Variants in PRKN observed in about 807,000 individuals in gnomAD.
PRKN encodes the protein E3 ubiquitin-protein ligase parkin.
PRKN carries 56 observed loss-of-function variants against 59.5 expected under a neutral mutation model. That is an observed-to-expected ratio of 0.94 (90% CI 0.76 to 1.18). PRKN has a LOEUF of 1.18. Ranked by LOEUF, PRKN falls within the 50% of genes most tolerant of loss-of-function variation. PRKN has a pLI of 0.00. For missense variants in PRKN, 657 were observed against 596.4 expected (o/e 1.10, Z -1.06); for synonymous variants, 250 against 222.1 (o/e 1.13, Z -1.12).
intron 2 of PRKN, among the ~76,000 whole-genome samples, chr6:162,321,196 C>T (rs538983628): frequency 6.6e-6 from 1 of 151,932 alleles, no homozygotes; most frequent in South Asian, 2.1e-4. Context: ...AGTGACAACA[C>T]TACACATTGT....
intron 9 of PRKN, among the ~76,000 whole-genome samples, chr6:161,519,196 G>A (rs1299922694): frequency 1.3e-5 from 2 of 150,226 alleles, no homozygotes; most frequent in Non-Finnish European, 3.0e-5. Context: ...GAAGTAGGGA[G>A]GAGAGAGGAG....
chr6:161,707,150 C>G (rs1315426755), intron 7 of PRKN, among the ~76,000 whole-genome samples: 1 of 151,994 alleles, frequency 6.6e-6, no homozygotes, highest in Non-Finnish European at 1.5e-5. Flanking sequence ...AGCTAATTTC[C>G]AAGGGGATAT....
chr6:162,659,914 T>C (rs956736282), intron 1 of PRKN, among the ~76,000 whole-genome samples: 2 of 152,166 alleles, frequency 1.3e-5, no homozygotes, highest in Non-Finnish European at 2.9e-5. Context: ...GAAAACATTT[T>C]CATCTAAACA....
At chr6:162,365,229 T>C (rs116705231) in intron 2 of PRKN, among the ~76,000 whole-genome samples, 154 of 152,264 alleles carry the variant, frequency 1.0e-3, no homozygotes, top group African/African-American at 3.6e-3. Context: ...TGTGTATATG[T>C]ATATTTTGAT....
chr6:162,462,568 G>T (rs1254824339), intron 1 of PRKN, among the ~76,000 whole-genome samples: 1 of 152,106 alleles, frequency 6.6e-6, no homozygotes, highest in Admixed American at 6.6e-5. Context: ...CAATATAAAT[G>T]TGAGGCTACA....
chr6:161,673,415 G>A (rs564665630), intron 7 of PRKN, among the ~76,000 whole-genome samples: 1 of 152,300 alleles, frequency 6.6e-6, no homozygotes, highest in African/African-American at 2.4e-5. Flanking sequence ...GAAGGAACAA[G>A]GGAGCAAGAC....
At chr6:162,574,856 T>C (rs1780497382) in intron 1 of PRKN, among the ~76,000 whole-genome samples, 1 of 151,504 alleles carries the variant, frequency 6.6e-6, no homozygotes, top group African/African-American at 2.4e-5. Context: ...TCAAATGGAT[T>C]GGTTGTTTTA....
At chr6:161,703,837 CTCTTTTTTTTTTTTTTTTT>C (rs1236432646) in intron 7 of PRKN, among the ~76,000 whole-genome samples, 18 of 104,804 alleles carry the variant, frequency 1.7e-4, no homozygotes, top group African/African-American at 8.7e-4. Flanking sequence ...CTCTCTCTCT[CTCTTTTTTTTTTTTTTTTT>C]TTTTTTTTTT....
At position 161,530,521 on chromosome 6, in the gene PRKN, CTT is replaced by C. The variant is rs537671875; in HGVS notation, c.1083+18331_1083+18332del. ...GGCTTGCTTCTTTTTTTCTTTTTTT[CTT>C]TTTTTTTTTTGAGATGGAGTTTCAC... On this transcript the variant is annotated intron_variant, in intron 9 of 11. Transcript: ENST00000366898. The surrounding 1 kb of genome is among the most constrained non-coding windows in gnomAD (Gnocchi z 5.0). 8.0e-4 allele frequency among the ~76,000 whole-genome samples: 114 copies of C among 141,876 alleles called. 1 individual carries two copies. In the East Asian group the frequency reaches 0.018, roughly 22 times the overall value. The allele number at this position is 141,876 out of a possible 152,430, so 93.1% of individuals were successfully genotyped here. A position where few individuals can be genotyped will look rare whatever the true frequency, so the allele number is the denominator to read the frequency against.
intron 1 of PRKN, among the ~76,000 whole-genome samples, chr6:162,458,054 G>A (rs531134061): frequency 3.2e-4 from 48 of 151,716 alleles, no homozygotes; most frequent in African/African-American, 1.2e-3. Flanking sequence ...AGGAGTTTGA[G>A]ACCAGCCTGG....
At chr6:162,376,975 A>G (rs547824163) in intron 2 of PRKN, among the ~76,000 whole-genome samples, 3 of 152,086 alleles carry the variant, frequency 2.0e-5, no homozygotes, top group Non-Finnish European at 4.4e-5. Flanking sequence ...TCTGGGAGGT[A>G]GAGACAGCAA....
chr6:161,664,641 TA>T (rs777218577), intron 7 of PRKN, among the ~76,000 whole-genome samples: 14 of 152,206 alleles, frequency 9.2e-5, no homozygotes, highest in Non-Finnish European at 2.1e-4. Flanking sequence ...GGCTTGTCTA[TA>T]AACTGGCAGA....
At chr6:161,478,488 T>C (rs1222628994) in intron 9 of PRKN, among the ~76,000 whole-genome samples, 2 of 151,870 alleles carry the variant, frequency 1.3e-5, no homozygotes, top group African/African-American at 4.9e-5. Flanking sequence ...CAAAATACTT[T>C]CCAAAGGATT....
intron 4 of PRKN, among the ~76,000 whole-genome samples, chr6:162,149,501 C>T (rs979795810): frequency 2.0e-5 from 3 of 152,108 alleles, no homozygotes; most frequent in African/African-American, 7.2e-5. Context: ...CTTCCAGCCT[C>T]CCAAAGTGCA....
chr6:161,678,423 A>C (rs1785172285), intron 7 of PRKN, among the ~76,000 whole-genome samples: 2 of 151,878 alleles, frequency 1.3e-5, no homozygotes, highest in African/African-American at 4.8e-5. Flanking sequence ...TAAGATAATA[A>C]GTGTAAAGCT....
chr6:162,376,051 T>C (rs1376712928), intron 2 of PRKN, among the ~76,000 whole-genome samples: 2 of 152,120 alleles, frequency 1.3e-5, no homozygotes, highest in African/African-American at 4.8e-5. Context: ...GAACATCCTC[T>C]TCAGCTCTTC....
At chr6:161,495,271 C>G (rs1007670362) in intron 9 of PRKN, among the ~76,000 whole-genome samples, 3 of 152,152 alleles carry the variant, frequency 2.0e-5, no homozygotes, top group African/African-American at 7.2e-5. Context: ...CACTGCATTG[C>G]CCGGCATATC....
chr6:161,692,830 C>T (rs1562612341), intron 7 of PRKN, among the ~76,000 whole-genome samples: 1 of 152,000 alleles, frequency 6.6e-6, no homozygotes, highest in Non-Finnish European at 1.5e-5. Context: ...CACCTGTAAT[C>T]CCAGCTACTT....
rs191876957 is a variant in PRKN at position 162,106,172 on chromosome 6, C to T, written c.535-51998G>A. Among the ~76,000 whole-genome samples the T allele has an allele frequency of 5.9e-5, 9 of 152,150 alleles. No homozygotes were observed. The South Asian group carries it at 6.2e-4, about 11-fold the overall frequency. On this transcript the variant is annotated intron_variant, in intron 4 of 11. Transcript: ENST00000366898. ...TTGATGATTACAGCTCCCGTAAGTA[C>T]GGGAAGAGGATGGATAGATTAACAA... is the stretch of plus-strand genomic sequence containing the variant.
Sources: gnomAD v4.1 joint callset for allele counts (sites outside exome capture counted in the v4.1 genomes callset) on GRCh38, gnomAD v4.1.1 for gene constraint, Gnocchi (gnomAD v3.1) non-coding constraint, MANE v1.5 for transcripts, NCBI Gene and HGNC (gene_info 2026-07-23, HGNC 2026-07-21) for gene names.